Variants in TTC23 observed in about 807,000 individuals in gnomAD.
TTC23 encodes the protein tetratricopeptide repeat protein 23.
TTC23 carries 58 observed loss-of-function variants against 55.1 expected under a neutral mutation model. That is an observed-to-expected ratio of 1.05 (90% CI 0.85 to 1.31). The LOEUF (loss-of-function observed/expected upper bound fraction) is 1.31. TTC23 is among the 50% of genes most tolerant of loss of function. The pLI, the probability that TTC23 is intolerant of heterozygous loss-of-function variation, is 0.00. For synonymous variants in TTC23, 203 were observed against 199.9 expected, an observed-to-expected ratio of 1.02 and a Z score of -0.13; for missense variants, 516 against 534.4, an observed-to-expected ratio of 0.97 and a Z score of 0.34.
intron 3 of TTC23, among the ~76,000 whole-genome samples, chr15:99,238,461 A>T (rs2079505035): frequency 6.6e-6 from 1 of 152,170 alleles, no homozygotes; most frequent in African/African-American, 2.4e-5. Flanking sequence ...AAGACTTCAG[A>T]AATGGGAATC....
intron 9 of TTC23, among the ~76,000 whole-genome samples, chr15:99,186,927 G>A (rs995124896): frequency 6.6e-6 from 1 of 151,906 alleles, no homozygotes; most frequent in African/African-American, 2.4e-5. Context: ...GGTTTGTTTT[G>A]TTTTGTTTTG....
chr15:99,201,317 G>A (rs760286362), intron 8 of TTC23, among the ~76,000 whole-genome samples: 7 of 152,048 alleles, frequency 4.6e-5, no homozygotes, highest in Non-Finnish European at 1.0e-4. Flanking sequence ...ATCTTCTCCA[G>A]CATATTTGTT....
upstream of TTC23, among the ~76,000 whole-genome samples, chr15:99,250,331 C>CT (rs2080621472): frequency 6.6e-6 from 1 of 152,142 alleles, no homozygotes; most frequent in African/African-American, 2.4e-5. Context: ...TAACTCATAC[C>CT]TTGTTTTAAA....
At chr15:99,175,921 G>A (rs2073496070) in intron 9 of TTC23, among the ~76,000 whole-genome samples, 1 of 152,182 alleles carries the variant, frequency 6.6e-6, no homozygotes, top group South Asian at 2.1e-4. Flanking sequence ...CTTGAACCTG[G>A]GAGGTGGAGG....
At chr15:99,230,075 G>A (rs1452170620) in intron 4 of TTC23, among the ~76,000 whole-genome samples, 2 of 152,134 alleles carry the variant, frequency 1.3e-5, no homozygotes, top group African/African-American at 4.8e-5. Context: ...GGCCCATAAT[G>A]AGAATAATCA....
chr15:99,171,559 C>CTTTTTTT (rs35676358), intron 10 of TTC23, among the ~76,000 whole-genome samples: 8 of 92,298 alleles, frequency 8.7e-5, no homozygotes, highest in African/African-American at 1.3e-4. Context: ...GTCTCTCCGT[C>CTTTTTTT]TTTTTTTTTT....
intron 9 of TTC23, among the ~76,000 whole-genome samples, chr15:99,188,398 A>G (rs2074927372): frequency 6.6e-6 from 1 of 152,042 alleles, no homozygotes; most frequent in Admixed American, 6.5e-5. Flanking sequence ...CTGGAATTAA[A>G]TAGTGGTAAT....
At chr15:99,171,865 C>T (rs1001871350) in intron 10 of TTC23, among the ~76,000 whole-genome samples, 15 of 151,788 alleles carry the variant, frequency 9.9e-5, no homozygotes, top group Non-Finnish European at 1.3e-4. Flanking sequence ...CCACTGGGCC[C>T]GGCCTCTCAG....
chr15:99,177,477 TAGAGTCAAATTA>T (rs1426492962), intron 9 of TTC23, among the ~76,000 whole-genome samples: 1 of 152,144 alleles, frequency 6.6e-6, no homozygotes, highest in Non-Finnish European at 1.5e-5. Flanking sequence ...GCCACAGGGA[TAGAGTCAAATTA>T]TTGCTTGTGT....
intron 4 of TTC23, among the ~76,000 whole-genome samples, chr15:99,234,547 T>C (rs2079163873): frequency 6.6e-6 from 1 of 152,084 alleles, no homozygotes; most frequent in Non-Finnish European, 1.5e-5. Context: ...AATTTTTTTG[T>C]ATTTTTAGTA....
At chr15:99,139,492 A>G (rs915465266) in intron 12 of TTC23, 93 bp from the exon 13 acceptor site, 8 of 1,577,390 alleles carry the variant, frequency 5.1e-6, no homozygotes, top group African/African-American at 1.3e-5. Flanking sequence ...AGATGACCTC[A>G]TTCTTAGGCC....
In TTC23 at chr15:99,218,964, G is replaced by A. The variant is rs760889418; in HGVS notation, c.389C>T (p.Thr130Ile). The change falls in exon 7 of 14, where the codon ACA becomes ATA. Residue 130 changes from threonine (T) to isoleucine (I), a missense_variant. By Grantham distance (89) the Thr-to-Ile change is moderately conservative. Coordinates refer to ENST00000394132, the MANE Select transcript of TTC23 (RefSeq NM_001288615.3). ...NSIVPPYSEN[T>I]DVFKFSIELF... Reference sequence around the variant, plus strand: ...CTCAATGGAAAACTTGAAAACATCTGTATTCTCACTATAGGGAGGCACAAT... The same window carrying A: ...CTCAATGGAAAACTTGAAAACATCTATATTCTCACTATAGGGAGGCACAAT... 1 of 1,614,204 alleles carries A rather than the reference G, an allele frequency of 6.2e-7. No individual in the cohort carries two copies. Among genetic ancestry groups the A allele is most frequent in the Admixed American group, 1.7e-5 (1 of 60,028 alleles).
intron 13 of TTC23, 99 bp from the exon 14 acceptor site, chr15:99,138,226 A>G: frequency 1.4e-6 from 2 of 1,467,832 alleles, no homozygotes; most frequent in Non-Finnish European, 1.8e-6. Context: ...AGACCCATTT[A>G]TGAGAAGACT....
intron 4 of TTC23, among the ~76,000 whole-genome samples, chr15:99,229,530 T>G (rs575986972): frequency 2.5e-4 from 38 of 152,030 alleles, no homozygotes; most frequent in African/African-American, 8.9e-4. Context: ...GTTGAGGAAG[T>G]AGAGTTGAGA....
chr15:99,146,954 T>A (rs558427256), intron 12 of TTC23, among the ~76,000 whole-genome samples: 291 of 151,738 alleles, frequency 1.9e-3, no homozygotes, highest in Middle Eastern at 0.014. Context: ...TCGCTCTGTT[T>A]CCCAGGCTGG....
chr15:99,148,665 T>A (rs1567327692), intron 12 of TTC23: 1 of 152,228 alleles, frequency 6.6e-6, no homozygotes, highest in African/African-American at 2.4e-5. Context: ...GAGATGTTCC[T>A]GATCCATGAA....
chr15:99,204,568 T>C (rs897675319), intron 8 of TTC23, among the ~76,000 whole-genome samples: 5 of 151,324 alleles, frequency 3.3e-5, no homozygotes, highest in African/African-American at 1.2e-4. Flanking sequence ...CCCAGACCGA[T>C]TTCCTGGAGT....
chr15:99,208,382 G>T (rs1270250821), intron 8 of TTC23, among the ~76,000 whole-genome samples: 1 of 152,018 alleles, frequency 6.6e-6, no homozygotes, highest in Non-Finnish European at 1.5e-5. Flanking sequence ...AATGGTATTG[G>T]GAAGAATGCA....
intron 5 of TTC23, among the ~76,000 whole-genome samples, chr15:99,225,461 G>T (rs745767668): frequency 6.6e-6 from 1 of 152,158 alleles, no homozygotes; most frequent in Admixed American, 6.5e-5. Context: ...GTAGCGCCAG[G>T]AAGTGGTTAA....
Sources: allele counts gnomAD v4.1 joint callset (sites outside exome capture counted in the v4.1 genomes callset), GRCh38; gene constraint gnomAD v4.1.1; transcripts MANE v1.5; gene names NCBI Gene and HGNC (gene_info 2026-07-23, HGNC 2026-07-21).